The following SPMAP2L variants were observed in gnomAD, a reference collection of about 807,000 sequenced individuals.
SPMAP2L encodes sperm microtubule associated protein 2 like, also known as sperm microtubule associated protein 2-like.
the SPMAP2L span, among the ~76,000 whole-genome samples, chr4:56,615,772 CA>C: frequency 6.6e-6 from 1 of 151,842 alleles, no homozygotes; most frequent in Non-Finnish European, 1.5e-5. Context: ...AACAAACAAA[CA>C]AACAAACAAA....
At chr4:56,609,722 A>G in the SPMAP2L span, among the ~76,000 whole-genome samples, 5 of 152,160 alleles carry the variant, frequency 3.3e-5, no homozygotes, top group African/African-American at 1.2e-4. Context: ...TCCTTAATAA[A>G]GAGCTTGAGA....
At chr4:56,549,662 C>T in the SPMAP2L span, among the ~76,000 whole-genome samples, 1 of 152,146 alleles carries the variant, frequency 6.6e-6, no homozygotes, top group Non-Finnish European at 1.5e-5. Context: ...ATCCCAAGTG[C>T]TCCAAAATCT....
the SPMAP2L span, among the ~76,000 whole-genome samples, chr4:56,583,586 T>C: frequency 1.3e-5 from 2 of 152,176 alleles, no homozygotes; most frequent in Non-Finnish European, 2.9e-5. Context: ...TGTCATTTAA[T>C]TGATAGGTTT....
At chr4:56,541,434 T>C in the SPMAP2L span, among the ~76,000 whole-genome samples, 1 of 152,216 alleles carries the variant, frequency 6.6e-6, no homozygotes, top group Non-Finnish European at 1.5e-5. Flanking sequence ...ACTAGAGTCA[T>C]TTTTTGAGTA....
the SPMAP2L span, among the ~76,000 whole-genome samples, chr4:56,622,430 T>C: frequency 5.3e-5 from 8 of 152,256 alleles, no homozygotes; most frequent in Non-Finnish European, 1.2e-4. Flanking sequence ...CAGATGAATC[T>C]ATTTCACTCT....
At chr4:56,559,561 T>A in the SPMAP2L span, 1 of 1,439,632 alleles carries the variant, frequency 6.9e-7, no homozygotes, top group Non-Finnish European at 9.1e-7. Context: ...ATCAGGAGGT[T>A]TTTTGTTGTT....
At chr4:56,593,319 C>T in the SPMAP2L span, 150 of 1,142,390 alleles carry the variant, frequency 1.3e-4, no homozygotes, top group African/African-American at 1.5e-3. Flanking sequence ...TTTTTGTTGA[C>T]CCCCATTGCC....
chr4:56,600,097 C>CTTTTTTTTTTTTTTTTTTTTT, the SPMAP2L span, among the ~76,000 whole-genome samples: 23 of 87,804 alleles, frequency 2.6e-4, no homozygotes, highest in African/African-American at 1.1e-3. Flanking sequence ...TCTTTGCTTT[C>CTTTTTTTTTTTTTTTTTTTTT]TTTTTTTTTT....
the SPMAP2L span, among the ~76,000 whole-genome samples, chr4:56,532,151 G>A: frequency 6.6e-6 from 1 of 152,062 alleles, no homozygotes; most frequent in Non-Finnish European, 1.5e-5. Context: ...TTAGTAAGTT[G>A]GTTTTCCCAG....
chr4:56,569,228 A>T, the SPMAP2L span, among the ~76,000 whole-genome samples: 1 of 152,208 alleles, frequency 6.6e-6, no homozygotes, highest in African/African-American at 2.4e-5. Flanking sequence ...ATGAACTGCT[A>T]GACTGTTTTC....
chr4:56,614,196 A>C, the SPMAP2L span, among the ~76,000 whole-genome samples: 1 of 152,234 alleles, frequency 6.6e-6, no homozygotes, highest in Non-Finnish European at 1.5e-5. Flanking sequence ...AGAGCCTTGG[A>C]AAGTTGATGA....
At chr4:56,604,653 CA>C in the SPMAP2L span, among the ~76,000 whole-genome samples, 2 of 149,448 alleles carry the variant, frequency 1.3e-5, no homozygotes, top group African/African-American at 4.9e-5. Flanking sequence ...AGCAAGACTC[CA>C]TCTCAAAAAA....
the SPMAP2L span, among the ~76,000 whole-genome samples, chr4:56,541,606 C>CTGTT: frequency 3.1e-4 from 47 of 152,204 alleles, no homozygotes; most frequent in African/African-American, 1.0e-3. Context: ...ATAATTAACA[C>CTGTT]TGTTTTTGAA....
the SPMAP2L span, among the ~76,000 whole-genome samples, chr4:56,598,778 A>G: frequency 6.6e-6 from 1 of 152,022 alleles, no homozygotes; most frequent in Non-Finnish European, 1.5e-5. Context: ...CCTAAGTGAT[A>G]GGGTTTGGCT....
the SPMAP2L span, among the ~76,000 whole-genome samples, chr4:56,588,670 A>G: frequency 6.6e-6 from 1 of 152,166 alleles, no homozygotes; most frequent in African/African-American, 2.4e-5. Context: ...ACCTCAGGTG[A>G]TCCGCCTACC....
the SPMAP2L span, among the ~76,000 whole-genome samples, chr4:56,607,995 G>GAAAAAAAAA: frequency 2.1e-4 from 15 of 72,198 alleles, no homozygotes; most frequent in African/African-American, 3.7e-4. Flanking sequence ...CCTGTCTCAA[G>GAAAAAAAAA]AAAAAAAAAA....
the SPMAP2L span, among the ~76,000 whole-genome samples, chr4:56,538,242 C>T: frequency 4.6e-5 from 7 of 152,038 alleles, no homozygotes; most frequent in Admixed American, 3.3e-4. Flanking sequence ...TGGTCTCAGT[C>T]ATACTGGCTT....
chr4:56,580,825 A>G, the SPMAP2L span, among the ~76,000 whole-genome samples: 4 of 152,166 alleles, frequency 2.6e-5, no homozygotes, highest in Admixed American at 6.5e-5. Context: ...AATCAATTGT[A>G]TATCTACTAT....
At chr4:56,583,855 A>G in the SPMAP2L span, among the ~76,000 whole-genome samples, 4 of 152,244 alleles carry the variant, frequency 2.6e-5, no homozygotes, top group African/African-American at 9.6e-5. Context: ...ATGAAATTAA[A>G]TTAAAATTTA....
Sources: allele counts gnomAD v4.1 joint callset (sites outside exome capture counted in the v4.1 genomes callset), GRCh38; gene constraint gnomAD v4.1.1; transcripts MANE v1.5; gene names NCBI Gene and HGNC (gene_info 2026-07-23, HGNC 2026-07-21).